Variants in STX16 observed in about 807,000 individuals in gnomAD.
STX16 encodes the protein syntaxin 16.
Under a neutral mutation model 42.7 loss-of-function variants are expected in STX16, and 28 were observed. The ratio of observed to expected loss-of-function variants is 0.66; its 90% confidence interval spans 0.49 to 0.90. The LOEUF (loss-of-function observed/expected upper bound fraction) is 0.90. Among genes scored for constraint, STX16 ranks in the 40% least tolerant of loss-of-function variants. The probability of loss-of-function intolerance (pLI) is 0.00; values close to 1 mark genes in which losing one functional copy is unlikely to be tolerated. For synonymous variants in STX16, 156 were observed against 155.2 expected, an observed-to-expected ratio of 1.00 and a Z score of -0.04; for missense variants, 361 against 420.9, an observed-to-expected ratio of 0.86 and a Z score of 1.24.
intron 7 of STX16, among the ~76,000 whole-genome samples, chr20:58,672,280 C>T (rs769792272): frequency 2.6e-5 from 4 of 151,670 alleles, no homozygotes; most frequent in African/African-American, 4.8e-5. Flanking sequence ...TGCAGTGAGC[C>T]GAGATTGCAC....
rs1371821273 is a variant in STX16 at position 58,676,374 on chromosome 20, AGAGGTGCAGCCTC to A, written c.*88_*100del. The A allele has an allele frequency of 2.4e-6, 3 of 1,262,240 alleles. No individual in the cohort carries two copies. The highest frequency in any genetic ancestry group is 2.9e-5 in the African/African-American group (2 of 67,946). 78.2% of individuals were successfully genotyped at this position (1,262,240 alleles called of 1,614,324 possible). ...GGCCTGCGCCCCGCCAGCTGCCCGC[AGAGGTGCAGCCTC>A]GAGGAATCTGAGGGCGTCGGGGCAG... On this transcript the variant is annotated 3_prime_UTR_variant, in exon 9 of 9. Transcript: ENST00000371141.
rs2084130224 is a variant in STX16 at position 58,676,491 on chromosome 20, A to G, written c.*200A>G. The G allele has an allele frequency of 1.8e-6, 1 of 560,860 alleles. No individual in the cohort carries two copies. The highest frequency in any genetic ancestry group is 1.9e-5 in the African/African-American group (1 of 52,834). 34.7% of individuals were successfully genotyped at this position (560,860 alleles called of 1,614,324 possible). A position where few individuals can be genotyped will look rare whatever the true frequency, so the allele number is the denominator to read the frequency against. On this transcript the variant is annotated 3_prime_UTR_variant, in exon 9 of 9. Transcript: ENST00000371141. ...GGGAATGGGTTTTTGTTTTTCCTTCATTGTTGAGAATTTAAGGACCTTTGA... is the reference window on the plus strand; with the variant it reads ...GGGAATGGGTTTTTGTTTTTCCTTCGTTGTTGAGAATTTAAGGACCTTTGA...
chr20:58,654,153 T>C (rs2083536822), intron 1 of STX16, among the ~76,000 whole-genome samples: 1 of 152,276 alleles, frequency 6.6e-6, no homozygotes, highest in South Asian at 2.1e-4. Flanking sequence ...AAAAATGTTT[T>C]CTAAATGTCA....
chr20:58,675,104 C>T (rs541252936), intron 8 of STX16, among the ~76,000 whole-genome samples: 2 of 152,130 alleles, frequency 1.3e-5, no homozygotes, highest in African/African-American at 2.4e-5. Flanking sequence ...CGCGCGTGCT[C>T]GGCAGTCGGC....
In STX16 at chr20:58,671,276, A is replaced by T; in HGVS notation, c.771A>T (p.Leu257Phe). The T allele has an allele frequency of 6.2e-7, 1 of 1,613,298 alleles. No homozygotes were observed. Among genetic ancestry groups the T allele is most frequent in the Non-Finnish European group, 8.5e-7 (1 of 1,179,540 alleles). ...ACCTGAATGAAATATTCAGGGACTT[A>T]GGGGCGATGATTGTAGAACAGGTAC... ...ISDLNEIFRD[L>F]GAMIVEQGTV... The change falls in exon 7 of 9, where the codon TTA (leucine) becomes TTT (phenylalanine). Residue 257 changes from leucine (L) to phenylalanine (F), a missense_variant. Leu to Phe is a conservative substitution (Grantham distance 22, BLOSUM62 0). Transcript: ENST00000371141.
chr20:58,654,873 T>C (rs1337566857), intron 1 of STX16, among the ~76,000 whole-genome samples: 3 of 152,200 alleles, frequency 2.0e-5, no homozygotes, highest in Non-Finnish European at 4.4e-5. Context: ...ATAAGGCAAA[T>C]TGTTACTCAT....
At chr20:58,670,837 C>T (rs559562725) in intron 6 of STX16, among the ~76,000 whole-genome samples, 1 of 152,198 alleles carries the variant, frequency 6.6e-6, no homozygotes, top group African/African-American at 2.4e-5. Context: ...GTGGTCAACA[C>T]CCTGCCTTCT....
intron 7 of STX16, among the ~76,000 whole-genome samples, chr20:58,673,214 CA>C (rs936878442): frequency 6.6e-6 from 1 of 152,132 alleles, no homozygotes; most frequent in Non-Finnish European, 1.5e-5. Context: ...CTACTTATGA[CA>C]GGGGCGAGCT....
intron 1 of STX16, 182 bp downstream of exon 1, chr20:58,652,320 CTG>C: frequency 1.2e-6 from 1 of 856,044 alleles, no homozygotes; most frequent in Non-Finnish European, 1.8e-6. Context: ...AGAAGCGGTG[CTG>C]TGAGGCCGCA....
chr20:58,668,155 A>G (rs375765913), intron 4 of STX16, 28 bp downstream of exon 4: 1 of 1,611,472 alleles, frequency 6.2e-7, no homozygotes, highest in Non-Finnish European at 8.5e-7. Flanking sequence ...GTCCTGGGGA[A>G]ACCAGCGAGC....
rs1165277864 is a variant in STX16 at position 58,673,676 on chromosome 20, A to G, written c.838A>G (p.Ile280Val). The change falls in exon 8 of 9, where the codon ATC (isoleucine) becomes GTC (valine). Residue 280 changes from isoleucine (I) to valine (V), a missense_variant. Physicochemically the swap from Ile to Val is conservative, Grantham distance 29. Transcript: ENST00000371141. ...RIDYNVEQSC[I>V]KTEDGLKQLH... Reference sequence around the variant, plus strand: ...TGACTATAACGTTGAACAGTCCTGTATCAAAACTGAAGATGGTTTGAAACA... The same window carrying G: ...TGACTATAACGTTGAACAGTCCTGTGTCAAAACTGAAGATGGTTTGAAACA... 1 of 1,613,708 alleles carries G rather than the reference A, an allele frequency of 6.2e-7. No individual in the cohort carries two copies. The highest frequency in any genetic ancestry group is 1.7e-5 in the Admixed American group (1 of 60,006).
At position 58,676,353 on chromosome 20, in the gene STX16, T is replaced by G; in HGVS notation, c.*62T>G. ...TCTCCCGGGTGTGAGGGGCTTGGCC[T>G]GCGCCCCGCCAGCTGCCCGCAGAGG... On this transcript the variant is annotated 3_prime_UTR_variant, in exon 9 of 9. Coordinates refer to ENST00000371141, the MANE Select transcript of STX16 (RefSeq NM_001001433.3). 10 of 1,462,564 alleles carry G rather than the reference T, an allele frequency of 6.8e-6. No individual in the cohort carries two copies. In the South Asian group the frequency reaches 1.1e-4, roughly 17 times the overall value. 90.6% of individuals were successfully genotyped at this position (1,462,564 alleles called of 1,614,324 possible). A position where few individuals can be genotyped will look rare whatever the true frequency, so the allele number is the denominator to read the frequency against.
At chr20:58,672,725 C>T (rs1029357781) in intron 7 of STX16, among the ~76,000 whole-genome samples, 2 of 152,150 alleles carry the variant, frequency 1.3e-5, no homozygotes, top group Admixed American at 6.5e-5. Flanking sequence ...TGACTCTGAC[C>T]GAGCTCAGCA....
At chr20:58,652,862 C>A (rs1054294447) in intron 1 of STX16, among the ~76,000 whole-genome samples, 2 of 150,978 alleles carry the variant, frequency 1.3e-5, no homozygotes, top group African/African-American at 4.8e-5. Context: ...CGTAAAATAG[C>A]ACTTTTTTTT....
chr20:58,678,798 T>C lies in STX16; in HGVS notation c.*2507T>C, dbSNP rs1330678918. 6.6e-6 allele frequency: 1 copy of C among 152,188 alleles called. No individual in the cohort carries two copies. Among genetic ancestry groups the C allele is most frequent in the Non-Finnish European group, 1.5e-5 (1 of 68,054 alleles). The allele number at this position is 152,188 out of a possible 1,614,324, so 9.4% of individuals were successfully genotyped here. A position where few individuals can be genotyped will look rare whatever the true frequency, so the allele number is the denominator to read the frequency against. Reference sequence around the variant, plus strand: ...TGTACTTGGGGAGAGATCAGTAGCATTTGAGGAAGTAAGAGAAAAGAATCA... The same window carrying C: ...TGTACTTGGGGAGAGATCAGTAGCACTTGAGGAAGTAAGAGAAAAGAATCA... On this transcript the variant is annotated 3_prime_UTR_variant, in exon 9 of 9. Transcript: ENST00000371141.
chr20:58,674,106 C>G (rs770494541), intron 8 of STX16, among the ~76,000 whole-genome samples: 12 of 152,170 alleles, frequency 7.9e-5, no homozygotes, highest in Non-Finnish European at 7.3e-5. Flanking sequence ...ACTTGGGCCT[C>G]TCTTGTGATA....
rs1314449747 is a variant in STX16, at chr20:58,657,212, AAGTTTT to A, written c.133-2407_133-2402del. Among the ~76,000 whole-genome samples the A allele has an allele frequency of 6.6e-6, 1 of 152,214 alleles. No individual in the cohort carries two copies. The highest frequency in any genetic ancestry group is 6.5e-5 in the Admixed American group (1 of 15,284). On this transcript the variant is annotated intron_variant, in intron 1 of 8. Coordinates refer to ENST00000371141, the MANE Select transcript of STX16 (RefSeq NM_001001433.3). This position sits in a 1 kb window ranked among gnomAD's most constrained non-coding sequence, Gnocchi z 4.2. The stretch of plus-strand genomic sequence containing the variant: ...TTTTAACTTGCAGATTGAAGATTCT[AAGTTTT>A]AGTACAAGCTGAGTCTGTTGGAAAA...
At chr20:58,656,952 A>G (rs943238847) in intron 1 of STX16, among the ~76,000 whole-genome samples, 1 of 152,194 alleles carries the variant, frequency 6.6e-6, no homozygotes, top group Non-Finnish European at 1.5e-5. Context: ...TAGAGGAGGT[A>G]GGAAACTGGC....
At chr20:58,659,744 A>C (rs1162810347) in intron 2 of STX16, 110 bp downstream of exon 2, 1 of 1,167,508 alleles carries the variant, frequency 8.6e-7, no homozygotes, top group Non-Finnish European at 1.2e-6. Context: ...ATACATATTT[A>C]GCATTTGTTT....
Sources: gnomAD v4.1 joint callset for allele counts (sites outside exome capture counted in the v4.1 genomes callset) on GRCh38, gnomAD v4.1.1 for gene constraint, Gnocchi (gnomAD v3.1) non-coding constraint, MANE v1.5 for transcripts, NCBI Gene and HGNC (gene_info 2026-07-23, HGNC 2026-07-21) for gene names.